Variants in AP2M1 observed in about 807,000 individuals in gnomAD.
The protein encoded by AP2M1 is adaptor related protein complex 2 subunit mu 1.
In AP2M1, 5 loss-of-function variants were observed where a neutral mutation model predicts 54.5. That is an observed-to-expected ratio of 0.09 (90% CI 0.05 to 0.19). The LOEUF is 0.19. Ranked by LOEUF, AP2M1 falls within the 10% of genes least tolerant of loss-of-function variation. AP2M1 has a pLI of 1.00. For missense variants in AP2M1, 178 were observed against 580.2 expected (o/e 0.31, Z 7.12); for synonymous variants, 186 against 208.2 (o/e 0.89, Z 0.92).
At chr3:184,179,214 G>C (rs1019628464) in intron 3 of AP2M1, 92 bp downstream of exon 3, 1 of 1,475,236 alleles carries the variant, frequency 6.8e-7, no homozygotes, top group African/African-American at 1.4e-5. Context: ...CCGAGGCTCT[G>C]GTACACTCTG....
In AP2M1 at chr3:184,178,366, T is replaced by G; in HGVS notation, c.75-491T>G. ...TGGGTAGCACAATTCCATGGCCCCT[T>G]GGTACTTCTCCCTCCTTTGTGACTT... On this transcript the variant is annotated intron_variant, in intron 2 of 11. Transcript: ENST00000292807. This position sits in a 1 kb window ranked among gnomAD's most constrained non-coding sequence, Gnocchi z 4.9. 2.7e-6 allele frequency: 3 copies of G among 1,129,458 alleles called. No homozygotes were observed. The highest frequency in any genetic ancestry group is 3.9e-6 in the Non-Finnish European group (3 of 776,186). 70.0% of individuals were successfully genotyped at this position (1,129,458 alleles called of 1,614,324 possible).
At position 184,183,724 on chromosome 3, in the gene AP2M1, C is replaced by A; in HGVS notation, c.*108C>A. 7.5e-7 allele frequency: 1 copy of A among 1,325,820 alleles called. No individual in the cohort carries two copies. The highest frequency in any genetic ancestry group is 1.0e-6 in the Non-Finnish European group (1 of 961,004). The allele number at this position is 1,325,820 out of a possible 1,614,324, so 82.1% of individuals were successfully genotyped here. ...TGTCTCCTCCCTCCTGCTTTGCTGC[C>A]TTCCCTTTGCACCAGCCCGAGTCTA... On this transcript the variant is annotated 3_prime_UTR_variant, in exon 12 of 12. Transcript: ENST00000292807. This position sits in a 1 kb window ranked among gnomAD's most constrained non-coding sequence, Gnocchi z 5.7.
chr3:184,179,208 G>A, intron 3 of AP2M1, 86 bp downstream of exon 3: 5 of 1,511,826 alleles, frequency 3.3e-6, no homozygotes, highest in Non-Finnish European at 4.5e-6. Context: ...GTAGGTCCGA[G>A]GCTCTGGTAC....
At position 184,180,298 on chromosome 3, in the gene AP2M1, T is replaced by G. The variant is rs2109030583; in HGVS notation, c.423+47T>G. ...TAGTCAGGGTGGAGTCCAATCTCCC[T>G]TCATCTCAGCTGGCCCCTGAGCCTT... is the stretch of plus-strand genomic sequence containing the variant. On this transcript the variant is annotated intron_variant, in intron 4 of 11. Transcript: ENST00000292807. The surrounding 1 kb of genome is among the most constrained non-coding windows in gnomAD (Gnocchi z 4.9). 1 of 1,597,846 alleles carries G rather than the reference T, an allele frequency of 6.3e-7. No individual in the cohort carries two copies. Among genetic ancestry groups the G allele is most frequent in the South Asian group, 1.1e-5 (1 of 90,178 alleles).
Position 184,181,483 on chromosome 3 carries a change from T to G in AP2M1, c.708-213T>G. The G allele has an allele frequency of 1.2e-6, 1 of 828,880 alleles. No homozygotes were observed. The highest frequency in any genetic ancestry group is 1.8e-6 in the Non-Finnish European group (1 of 544,588). 51.3% of individuals were successfully genotyped at this position (828,880 alleles called of 1,614,324 possible). Reference sequence around the variant, plus strand: ...ACTGACAGCCTCTGCCCAGTGTGCCTGAAACACCCAGGTCCCTAGCAGAAG... The same window carrying G: ...ACTGACAGCCTCTGCCCAGTGTGCCGGAAACACCCAGGTCCCTAGCAGAAG... On this transcript the variant is annotated intron_variant, in intron 7 of 11. Coordinates refer to ENST00000292807, the MANE Select transcript of AP2M1 (RefSeq NM_004068.4). This position sits in a 1 kb window ranked among gnomAD's most constrained non-coding sequence, Gnocchi z 5.7.
intron 3 of AP2M1, chr3:184,179,439 C>G (rs1414625968): frequency 5.9e-6 from 2 of 339,888 alleles, no homozygotes; most frequent in East Asian, 6.5e-5. Flanking sequence ...AGTTCACTAA[C>G]TGTCCACCCA....
rs1264035767 is a variant in AP2M1 at position 184,181,270 on chromosome 3, G to A, written c.707+44G>A. ...CTGGTGGGAGAGGGTGTCCCTTGGA[G>A]GGCTCAGTGGGGTCTAGTGAACCAC... On this transcript the variant is annotated intron_variant, in intron 7 of 11. Coordinates refer to ENST00000292807, the MANE Select transcript of AP2M1 (RefSeq NM_004068.4). This position sits in a 1 kb window ranked among gnomAD's most constrained non-coding sequence, Gnocchi z 5.7. 6.2e-7 allele frequency: 1 copy of A among 1,609,782 alleles called. No individual in the cohort carries two copies. The highest frequency in any genetic ancestry group is 8.5e-7 in the Non-Finnish European group (1 of 1,177,530).
In AP2M1 at chr3:184,183,588, G is replaced by A; in HGVS notation, c.1280G>A (p.Arg427His). 6 of 1,613,922 alleles carry A rather than the reference G, an allele frequency of 3.7e-6. No homozygotes were observed. The highest frequency in any genetic ancestry group is 4.2e-6 in the Non-Finnish European group (5 of 1,179,996). The change falls in exon 12 of 12, where the codon CGC (arginine) becomes CAC (histidine). Residue 427 changes from arginine to histidine, a missense_variant. By Grantham distance (29) the Arg-to-His change is conservative (BLOSUM62 0). This residue lies in a region of AP2M1 where 3 missense variants were observed against 16.1 expected (regional missense o/e 0.19). Transcript: ENST00000292807. This position sits in a 1 kb window ranked among gnomAD's most constrained non-coding sequence, Gnocchi z 5.7. ...DVIKWVRYIG[R>H]SGIYETRC ...ATCAAATGGGTGCGCTACATTGGCC[G>A]CAGTGGCATTTATGAAACTCGCTGC...
chr3:184,180,727 G>C lies in AP2M1; in HGVS notation c.429+77G>C. The C allele has an allele frequency of 6.2e-7, 1 of 1,614,062 alleles. No individual in the cohort carries two copies. Among genetic ancestry groups the C allele is most frequent in the East Asian group, 2.2e-5 (1 of 44,896 alleles). ...GCCCTGCCCTTTGGGGCTTATAGGG[G>C]AAAATGGATTACAGGTGGGGACTAG... On this transcript the variant is annotated intron_variant, in intron 5 of 11. Coordinates refer to ENST00000292807, the MANE Select transcript of AP2M1 (RefSeq NM_004068.4). This position sits in a 1 kb window ranked among gnomAD's most constrained non-coding sequence, Gnocchi z 4.9.
intron 1 of AP2M1, chr3:184,176,635 G>T (rs144290724): frequency 1.8e-4 from 66 of 358,514 alleles, no homozygotes; most frequent in African/African-American, 1.2e-3. Context: ...TGCACAGGAG[G>T]GGGCCGAAAA....
At chr3:184,176,330 T>G (rs935092030) in intron 1 of AP2M1, among the ~76,000 whole-genome samples, 13 of 152,146 alleles carry the variant, frequency 8.5e-5, no homozygotes, top group African/African-American at 3.1e-4. Flanking sequence ...GCCTGCTTAT[T>G]CCACTGCCTG....
At chr3:184,176,457 G>A (rs982227968) in intron 1 of AP2M1, among the ~76,000 whole-genome samples, 4 of 152,172 alleles carry the variant, frequency 2.6e-5, no homozygotes, top group Non-Finnish European at 5.9e-5. Flanking sequence ...GGAAGTTCAG[G>A]CCCTGCGACC....
intron 3 of AP2M1, among the ~76,000 whole-genome samples, chr3:184,179,662 CTTTTT>C (rs368749437): frequency 2.2e-5 from 3 of 135,104 alleles, no homozygotes; most frequent in African/African-American, 8.5e-5. Flanking sequence ...GATTTCTTTT[CTTTTT>C]TTTTTTTTTT....
Position 184,178,201 on chromosome 3 carries a change from C to T in AP2M1, c.75-656C>T. On this transcript the variant is annotated intron_variant, in intron 2 of 11. Coordinates refer to ENST00000292807, the MANE Select transcript of AP2M1 (RefSeq NM_004068.4). The surrounding 1 kb of genome is among the most constrained non-coding windows in gnomAD (Gnocchi z 4.9). ...GCTGGCGTCATTTCTCTCATCCCATCTCATTGGCTGCCGTAGCAATAGGTA... is the reference window on the plus strand; with the variant it reads ...GCTGGCGTCATTTCTCTCATCCCATTTCATTGGCTGCCGTAGCAATAGGTA... 1 of 1,536,056 alleles carries T rather than the reference C, an allele frequency of 6.5e-7. No homozygotes were observed. The highest frequency in any genetic ancestry group is 8.7e-7 in the Non-Finnish European group (1 of 1,146,810).
chr3:184,175,084 GC>G, intron 1 of AP2M1, 125 bp downstream of exon 1: 1 of 397,004 alleles, frequency 2.5e-6, no homozygotes, highest in Non-Finnish European at 4.4e-6. Context: ...AGTGGCTTCA[GC>G]CTTCGGACCC....
At position 184,180,340 on chromosome 3, in the gene AP2M1, G is replaced by A; in HGVS notation, c.423+89G>A. 6.8e-7 allele frequency: 1 copy of A among 1,472,044 alleles called. No individual in the cohort carries two copies. Among genetic ancestry groups the A allele is most frequent in the Non-Finnish European group, 9.3e-7 (1 of 1,071,324 alleles). 91.2% of individuals were successfully genotyped at this position (1,472,044 alleles called of 1,614,324 possible). A position where few individuals can be genotyped will look rare whatever the true frequency, so the allele number is the denominator to read the frequency against. On this transcript the variant is annotated intron_variant, in intron 4 of 11. Transcript: ENST00000292807. The surrounding 1 kb of genome is among the most constrained non-coding windows in gnomAD (Gnocchi z 4.9). ...CTGAGCCTTGTCTGAGCTGACTCAT[G>A]AGCCCTCCCATGACAGGAAGTGCTG...
chr3:184,181,363 C>T lies in AP2M1; in HGVS notation c.707+137C>T, dbSNP rs1264825684. ...GTTCCTGACGGTAAGCCTGGCTGTTCGCTCTTGACATTAGTGCTACGAGAG... is the reference window on the plus strand; with the variant it reads ...GTTCCTGACGGTAAGCCTGGCTGTTTGCTCTTGACATTAGTGCTACGAGAG... On this transcript the variant is annotated intron_variant, in intron 7 of 11. Transcript: ENST00000292807. This position sits in a 1 kb window ranked among gnomAD's most constrained non-coding sequence, Gnocchi z 5.7. The T allele has an allele frequency of 6.1e-6, 8 of 1,320,150 alleles. No individual in the cohort carries two copies. Among genetic ancestry groups the T allele is most frequent in the African/African-American group, 4.4e-5 (3 of 68,468 alleles). 81.8% of individuals were successfully genotyped at this position (1,320,150 alleles called of 1,614,324 possible).
rs1053040649 is a variant in AP2M1 at position 184,180,435 on chromosome 3, A to G, written c.423+184A>G. 34 of 1,038,002 alleles carry G rather than the reference A, an allele frequency of 3.3e-5. No individual in the cohort carries two copies. Among genetic ancestry groups the G allele is most frequent in the Non-Finnish European group, 4.5e-5 (32 of 711,954 alleles). 64.3% of individuals were successfully genotyped at this position (1,038,002 alleles called of 1,614,324 possible). On this transcript the variant is annotated intron_variant, in intron 4 of 11. Coordinates refer to ENST00000292807, the MANE Select transcript of AP2M1 (RefSeq NM_004068.4). This position sits in a 1 kb window ranked among gnomAD's most constrained non-coding sequence, Gnocchi z 4.9. ...GGTCCTCCCACTGCAGGAGCAGCCA[A>G]TTCAGCATCTCTATTACCAGGAATA...
Position 184,181,997 on chromosome 3 carries a change from G to A in AP2M1, c.913G>A (p.Val305Met), listed in dbSNP as rs1715288964. The change falls in exon 9 of 12, where the codon GTG (valine) becomes ATG (methionine). Residue 305 changes from valine (V) to methionine (M), a missense_variant. Val to Met is a conservative substitution (Grantham distance 21). This residue lies in a region of AP2M1 where 59 missense variants were observed against 176.8 expected (regional missense o/e 0.33). Transcript: ENST00000292807. This position sits in a 1 kb window ranked among gnomAD's most constrained non-coding sequence, Gnocchi z 5.7. ...EVGRTKLEVK[V>M]VIKSNFKPSL... ...GGGACGCACCAAACTGGAGGTCAAG[G>A]TGGTCATCAAGTCCAACTTTAAACC... 1 of 1,614,068 alleles carries A rather than the reference G, an allele frequency of 6.2e-7. No homozygotes were observed. The highest frequency in any genetic ancestry group is 1.7e-5 in the Admixed American group (1 of 60,000).
Sources: gnomAD v4.1 joint callset for allele counts (sites outside exome capture counted in the v4.1 genomes callset) on GRCh38, gnomAD v4.1.1 for gene constraint, gnomAD v4.1.1 regional missense constraint, Gnocchi (gnomAD v3.1) non-coding constraint, MANE v1.5 for transcripts, NCBI Gene and HGNC (gene_info 2026-07-23, HGNC 2026-07-21) for gene names.